Variants in PSMF1 observed in about 807,000 individuals in gnomAD.
PSMF1 encodes proteasome inhibitor PI31 subunit.
PSMF1 carries 30 observed loss-of-function variants against 29.3 expected under a neutral mutation model. The observed-to-expected ratio is 1.02, with a 90% CI of 0.77 to 1.39. The LOEUF is 1.39. Among genes scored for constraint, PSMF1 ranks in the 40% most tolerant of loss-of-function variants. PSMF1 has a pLI of 0.00. For synonymous variants in PSMF1, 134 were observed against 139.7 expected (o/e 0.96, Z 0.29); for missense variants, 344 against 357.5 (o/e 0.96, Z 0.31).
chr20:1,136,778 C>T (rs930364562), intron 4 of PSMF1, among the ~76,000 whole-genome samples: 1 of 152,226 alleles, frequency 6.6e-6, no homozygotes, highest in Non-Finnish European at 1.5e-5. Context: ...CCACAAAACT[C>T]TGTTGCTGTT....
At chr20:1,126,124 G>T (rs1478643573) in intron 2 of PSMF1, among the ~76,000 whole-genome samples, 1 of 151,946 alleles carries the variant, frequency 6.6e-6, no homozygotes, top group Non-Finnish European at 1.5e-5. Context: ...TTTCAGTTCT[G>T]ACTACCCAGT....
chr20:1,135,048 G>A (rs753949416), intron 3 of PSMF1, 73 bp from the exon 4 acceptor site: 45 of 1,528,620 alleles, frequency 2.9e-5, no homozygotes, highest in African/African-American at 5.5e-5. Context: ...CGCCGCCGTC[G>A]TTGCAGCCAG....
Position 1,164,508 on chromosome 20 carries a change from G to A in PSMF1, c.764+32G>A, listed in dbSNP as rs1383261654. On this transcript the variant is annotated intron_variant, in intron 6 of 6. Transcript: ENST00000335877. This position sits in a 1 kb window ranked among gnomAD's most constrained non-coding sequence, Gnocchi z 4.1. Reference sequence around the variant, plus strand: ...AGTCACTCAGGTATGCTGAGAAGTAGGACCTGATGGCAGCTTGGTTCAGTG... The same window carrying A: ...AGTCACTCAGGTATGCTGAGAAGTAAGACCTGATGGCAGCTTGGTTCAGTG... 1 of 1,610,194 alleles carries A rather than the reference G, an allele frequency of 6.2e-7. No homozygotes were observed. The highest frequency in any genetic ancestry group is 8.5e-7 in the Non-Finnish European group (1 of 1,176,930).
rs372603862 is a variant in PSMF1, at chr20:1,125,499, C to G, written c.131C>G (p.Pro44Arg). 1.2e-5 allele frequency: 19 copies of G among 1,604,578 alleles called. No individual in the cohort carries two copies. Among genetic ancestry groups the G allele is most frequent in the Admixed American group, 3.4e-5 (2 of 58,458 alleles). Residue 44 changes from proline to arginine, a missense_variant and splice_region_variant, in exon 2 of 7, where the codon CCG (proline) becomes CGG (arginine). By Grantham distance (103) the Pro-to-Arg change is moderately radical (BLOSUM62 -2). Transcript: ENST00000335877. ...GYFGLGVGDQ[P>R]GPNDKKSELL... ...TCCTCTCAACTGTGGTCTTCCCAGC[C>G]GGGTCCCAATGATAAGAAGTCAGAA... is the stretch of plus-strand genomic sequence containing the variant.
intron 4 of PSMF1, chr20:1,160,659 G>GC: frequency 2.0e-6 from 1 of 507,406 alleles, no homozygotes. Flanking sequence ...TGGGGACGAC[G>GC]CCCCTGGAAC....
chr20:1,153,780 C>G (rs1444557392), intron 4 of PSMF1, among the ~76,000 whole-genome samples: 2 of 152,112 alleles, frequency 1.3e-5, no homozygotes, highest in African/African-American at 4.8e-5. Flanking sequence ...CTTGAAGGAC[C>G]AAGATCTAAT....
rs895618712 is a variant in PSMF1 at position 1,167,342 on chromosome 20, T to G, written c.*2262T>G. 1 of 152,154 alleles carries G rather than the reference T, an allele frequency of 6.6e-6. No individual in the cohort carries two copies. Among genetic ancestry groups the G allele is most frequent in the African/African-American group, 2.4e-5 (1 of 41,398 alleles). 9.4% of individuals were successfully genotyped at this position (152,154 alleles called of 1,614,324 possible). The stretch of plus-strand genomic sequence containing the variant: ...AGTGACCTGTTCCTCCTTTTTTAAA[T>G]AGCAGCTTTATTGAGATATAATTTA... On this transcript the variant is annotated 3_prime_UTR_variant, in exon 7 of 7. Transcript: ENST00000335877.
intron 4 of PSMF1, among the ~76,000 whole-genome samples, chr20:1,160,418 T>G (rs1227291761): frequency 5.9e-5 from 9 of 152,180 alleles, no homozygotes; most frequent in Admixed American, 5.9e-4. Context: ...GATTAATGTC[T>G]TTGTGAGTAT....
rs185567358 is a variant in PSMF1, at chr20:1,170,398, A to C, written c.*5318A>C. On this transcript the variant is annotated 3_prime_UTR_variant, in exon 7 of 7. Transcript: ENST00000335877. ...GAACTCTGATTCGAAGTTTTCGTTG[A>C]TTTTACCCCCAGTATCCACTCCATT... 6.6e-6 allele frequency among the ~76,000 whole-genome samples: 1 copy of C among 152,238 alleles called. No homozygotes were observed. Among genetic ancestry groups the C allele is most frequent in the African/African-American group, 2.4e-5 (1 of 41,520 alleles).
In PSMF1 at chr20:1,166,322, T is replaced by A; in HGVS notation, c.*1242T>A. ...GCTAAGAGGCACGAGATCAAGGCGG[T>A]AGTCACTTCCGCTCTGCAGCTAGCA... On this transcript the variant is annotated 3_prime_UTR_variant, in exon 7 of 7. Transcript: ENST00000335877. 1 of 1,474,524 alleles carries A rather than the reference T, an allele frequency of 6.8e-7. No individual in the cohort carries two copies. The highest frequency in any genetic ancestry group is 9.4e-7 in the Non-Finnish European group (1 of 1,060,272). The allele number at this position is 1,474,524 out of a possible 1,614,324, so 91.3% of individuals were successfully genotyped here.
At chr20:1,150,358 G>A (rs1010022031) in intron 4 of PSMF1, among the ~76,000 whole-genome samples, 3 of 152,142 alleles carry the variant, frequency 2.0e-5, no homozygotes, top group Admixed American at 1.3e-4. Flanking sequence ...ATAACGGCCA[G>A]GTTAGTGCTG....
upstream of PSMF1, among the ~76,000 whole-genome samples, chr20:1,118,175 C>T (rs2086030378): frequency 6.6e-6 from 1 of 152,220 alleles, no homozygotes; most frequent in African/African-American, 2.4e-5. Context: ...GTCAAATTAT[C>T]CCTCTGCGCC....
At chr20:1,123,885 A>G (rs1282457744) in intron 1 of PSMF1, among the ~76,000 whole-genome samples, 2 of 152,246 alleles carry the variant, frequency 1.3e-5, no homozygotes, top group African/African-American at 2.4e-5. Flanking sequence ...AACAGTCCGA[A>G]TCATGTAACT....
At chr20:1,117,244 C>T (rs1216597947), upstream of PSMF1, among the ~76,000 whole-genome samples, 2 of 152,088 alleles carry the variant, frequency 1.3e-5, no homozygotes, top group South Asian at 2.1e-4. Flanking sequence ...AGATGGCAGA[C>T]CACATGCAGA....
At chr20:1,135,418 ATGATCAGTGTCT>A (rs2086294212) in intron 4 of PSMF1, 112 bp downstream of exon 4, 1 of 1,164,422 alleles carries the variant, frequency 8.6e-7, no homozygotes, top group African/African-American at 1.6e-5. Context: ...TTTCAACAAA[ATGATCAGTGTCT>A]TGGGGTGCAT....
rs1438261918 is a variant in PSMF1, at chr20:1,167,667, A to G, written c.*2587A>G. ...CATGTGATGTTTTCAAGATTCATTC[A>G]TGCTGTAGCATGTATCCATGGTATG... is the stretch of plus-strand genomic sequence containing the variant. On this transcript the variant is annotated 3_prime_UTR_variant, in exon 7 of 7. Transcript: ENST00000335877. 2.6e-5 allele frequency: 4 copies of G among 151,872 alleles called. No individual in the cohort carries two copies. The highest frequency in any genetic ancestry group is 9.7e-5 in the African/African-American group (4 of 41,286). 9.4% of individuals were successfully genotyped at this position (151,872 alleles called of 1,614,324 possible).
At chr20:1,121,047 G>A (rs1005508904) in intron 1 of PSMF1, among the ~76,000 whole-genome samples, 1 of 152,050 alleles carries the variant, frequency 6.6e-6, no homozygotes, top group Non-Finnish European at 1.5e-5. Flanking sequence ...CCTTCTAGCT[G>A]GCATTACCAC....
chr20:1,135,368 C>A, intron 4 of PSMF1, 62 bp downstream of exon 4: 1 of 1,483,618 alleles, frequency 6.7e-7, no homozygotes, highest in Admixed American at 2.0e-5. Flanking sequence ...GCCAGCTATC[C>A]CCATCCTGCC....
At chr20:1,129,274 C>T (rs1257918885) in intron 3 of PSMF1, among the ~76,000 whole-genome samples, 1 of 152,174 alleles carries the variant, frequency 6.6e-6, no homozygotes, top group Non-Finnish European at 1.5e-5. Context: ...TGTGAGCTAC[C>T]GCACCTAGCC....
Sources: gnomAD v4.1 joint callset for allele counts (sites outside exome capture counted in the v4.1 genomes callset) on GRCh38, gnomAD v4.1.1 for gene constraint, Gnocchi (gnomAD v3.1) non-coding constraint, MANE v1.5 for transcripts, NCBI Gene and HGNC (gene_info 2026-07-23, HGNC 2026-07-21) for gene names.